E2F3: variants seen among roughly 807,000 people sequenced by gnomAD.
The protein encoded by E2F3 is E2F transcription factor 3, also known as transcription factor E2F3.
Under a neutral mutation model 44.4 loss-of-function variants are expected in E2F3, and 11 were observed. The observed-to-expected ratio is 0.25, with a 90% CI of 0.16 to 0.41. The LOEUF (loss-of-function observed/expected upper bound fraction) is 0.41, where lower values mean the gene tolerates loss of function less well. Among genes scored for constraint, E2F3 ranks in the 10% least tolerant of loss-of-function variants. E2F3 has a pLI of 1.00. For missense variants in E2F3, 487 were observed against 583.6 expected (o/e 0.83, Z 1.70); for synonymous variants, 249 against 253.0 (o/e 0.98, Z 0.15).
chr6:20,472,145 T>C (rs920429285), intron 1 of E2F3, among the ~76,000 whole-genome samples: 1 of 94,832 alleles, frequency 1.1e-5, no homozygotes, highest in Non-Finnish European at 2.7e-5. Context: ...GGGAATTTAT[T>C]CCTTGGTTCA....
At chr6:20,445,950 G>A (rs1760930245) in intron 1 of E2F3, among the ~76,000 whole-genome samples, 1 of 152,230 alleles carries the variant, frequency 6.6e-6, no homozygotes, top group Non-Finnish European at 1.5e-5. Context: ...TGGACAGGAT[G>A]CCATCCCATC....
chr6:20,479,204 A>G lies in E2F3; in HGVS notation c.394-642A>G, dbSNP rs141115167. Among the ~76,000 whole-genome samples the G allele has an allele frequency of 4.9e-3, 754 of 152,324 alleles. 3 individuals carry two copies. Among genetic ancestry groups the G allele is most frequent in the South Asian group, 0.026 (126 of 4,828 alleles). ...GATGAAGGGCCGTTTGTAGTCTGTGACTAGTTGTGTTACGATCCAATCACC... is the reference window on the plus strand; with the variant it reads ...GATGAAGGGCCGTTTGTAGTCTGTGGCTAGTTGTGTTACGATCCAATCACC... On this transcript the variant is annotated intron_variant, in intron 1 of 6. Coordinates refer to ENST00000346618, the MANE Select transcript of E2F3 (RefSeq NM_001949.5).
intron 1 of E2F3, among the ~76,000 whole-genome samples, chr6:20,422,059 A>G (rs1008271423): frequency 6.6e-6 from 1 of 152,240 alleles, no homozygotes; most frequent in African/African-American, 2.4e-5. Context: ...ACTAAGTGGT[A>G]TCATCTTCCA....
intron 1 of E2F3, among the ~76,000 whole-genome samples, chr6:20,458,256 A>C (rs1251067148): frequency 2.6e-5 from 4 of 151,876 alleles, no homozygotes; most frequent in Non-Finnish European, 5.9e-5. Flanking sequence ...GAGGAATTTG[A>C]CTCCTTTTAA....
intron 1 of E2F3, among the ~76,000 whole-genome samples, chr6:20,424,613 A>G (rs76400375): frequency 0.063 from 9,649 of 152,016 alleles, 464 homozygotes; most frequent in Non-Finnish European, 0.096. Flanking sequence ...CATTAAAATT[A>G]CAGTTTTTAT....
At chr6:20,455,322 G>T (rs1261778837) in intron 1 of E2F3, among the ~76,000 whole-genome samples, 1 of 152,172 alleles carries the variant, frequency 6.6e-6, no homozygotes, top group African/African-American at 2.4e-5. Flanking sequence ...GTGATAAAAT[G>T]CCAGTGGGTG....
intron 1 of E2F3, among the ~76,000 whole-genome samples, chr6:20,453,576 G>C (rs528348300): frequency 3.3e-5 from 5 of 152,112 alleles, no homozygotes; most frequent in Non-Finnish European, 5.9e-5. Flanking sequence ...CACCATGCCT[G>C]GCAAATTTTA....
At position 20,491,296 on chromosome 6, in the gene E2F3, T is replaced by G. The variant is rs1256463627; in HGVS notation, c.*866T>G. On this transcript the variant is annotated 3_prime_UTR_variant, in exon 7 of 7. Coordinates refer to ENST00000346618, the MANE Select transcript of E2F3 (RefSeq NM_001949.5). ...TGTGGCACCCATCACCATTTCAATT[T>G]AATTGTTTACTTTGAAGCGGTTTTT... 2 of 230,530 alleles carry G rather than the reference T, an allele frequency of 8.7e-6. No homozygotes were observed. The highest frequency in any genetic ancestry group is 1.7e-5 in the Non-Finnish European group (2 of 116,038). 14.3% of individuals were successfully genotyped at this position (230,530 alleles called of 1,614,324 possible). A position where few individuals can be genotyped will look rare whatever the true frequency, so the allele number is the denominator to read the frequency against.
chr6:20,441,633 G>C (rs560802386), intron 1 of E2F3, among the ~76,000 whole-genome samples: 11 of 152,002 alleles, frequency 7.2e-5, no homozygotes, highest in Non-Finnish European at 1.6e-4. Flanking sequence ...GGAGTGTAGT[G>C]GCATGACCTT....
At position 20,488,196 on chromosome 6, in the gene E2F3, G is replaced by A. The variant is rs756468217; in HGVS notation, c.1083G>A (p.Met361Ile). 6.2e-7 allele frequency: 1 copy of A among 1,611,550 alleles called. No individual in the cohort carries two copies. The highest frequency in any genetic ancestry group is 8.5e-7 in the Non-Finnish European group (1 of 1,179,430). ...CPEETETHSPMKTNNQDHNGN... is the reference protein window; with the variant it reads ...CPEETETHSPIKTNNQDHNGN... ...AAGAGACTGAAACACACAGTCCAAT[G>A]AAAACAAACAACCAAGACCACAATG... Residue 361 changes from methionine to isoleucine, a missense_variant, in exon 6 of 7, where the codon ATG (methionine) becomes ATA (isoleucine). By Grantham distance (10) the Met-to-Ile change is conservative (BLOSUM62 1). Around this residue, in one of 3 missense-constraint regions of E2F3, gnomAD observed 220 missense variants for 261.7 expected, o/e 0.84. Coordinates refer to ENST00000346618, the MANE Select transcript of E2F3 (RefSeq NM_001949.5).
At position 20,412,253 on chromosome 6, in the gene E2F3, A is replaced by G. The variant is rs553228732; in HGVS notation, c.393+9628A>G. 1.0e-3 allele frequency among the ~76,000 whole-genome samples: 155 copies of G among 152,286 alleles called. 2 individuals are homozygous for G. Among genetic ancestry groups the G allele is most frequent in the Middle Eastern group, 3.4e-3 (1 of 294 alleles). Reference sequence around the variant, plus strand: ...TGAGATGGGGAGGCCACGGTTGTCAATCTTGGAGTACATTAGGGCACACAT... The same window carrying G: ...TGAGATGGGGAGGCCACGGTTGTCAGTCTTGGAGTACATTAGGGCACACAT... On this transcript the variant is annotated intron_variant, in intron 1 of 6. Coordinates refer to ENST00000346618, the MANE Select transcript of E2F3 (RefSeq NM_001949.5).
chr6:20,472,965 AGT>A (rs1761940215), intron 1 of E2F3, among the ~76,000 whole-genome samples: 2 of 152,300 alleles, frequency 1.3e-5, no homozygotes, highest in South Asian at 2.1e-4. Context: ...TTAATAGAAA[AGT>A]GTGTGTTTTG....
chr6:20,442,461 A>C (rs1760809216), intron 1 of E2F3, among the ~76,000 whole-genome samples: 1 of 152,222 alleles, frequency 6.6e-6, no homozygotes, highest in Admixed American at 6.5e-5. Flanking sequence ...CAAAGTTGAG[A>C]ATGATGCAGG....
chr6:20,435,806 G>A (rs1046687211), intron 1 of E2F3, among the ~76,000 whole-genome samples: 1 of 151,974 alleles, frequency 6.6e-6, no homozygotes, highest in African/African-American at 2.4e-5. Context: ...TAATTAAAGG[G>A]ATTCTGGAGG....
In E2F3 at chr6:20,404,522, GGAGAA is replaced by G. The variant is rs1337192452; in HGVS notation, c.393+1898_393+1902del. Reference sequence around the variant, plus strand: ...TCAGCTCCAAATGGGTTTAATTTTTGGAGAATCAAGATTTTGCGGGAGTCTTTAAG... The same window carrying G: ...TCAGCTCCAAATGGGTTTAATTTTTGTCAAGATTTTGCGGGAGTCTTTAAG... On this transcript the variant is annotated intron_variant, in intron 1 of 6. Coordinates refer to ENST00000346618, the MANE Select transcript of E2F3 (RefSeq NM_001949.5). Among the ~76,000 whole-genome samples, 18 of 152,304 alleles carry G rather than the reference GGAGAA, an allele frequency of 1.2e-4. No homozygotes were observed. In the South Asian group the frequency reaches 3.3e-3, roughly 28 times the overall value.
At chr6:20,465,977 T>G (rs1354974181) in intron 1 of E2F3, among the ~76,000 whole-genome samples, 5 of 152,198 alleles carry the variant, frequency 3.3e-5, no homozygotes, top group African/African-American at 4.8e-5. Flanking sequence ...GTGGGATTGC[T>G]GGATCAAGTG....
intron 1 of E2F3, among the ~76,000 whole-genome samples, chr6:20,473,045 T>C (rs1202547992): frequency 6.6e-6 from 1 of 152,212 alleles, no homozygotes; most frequent in East Asian, 1.9e-4. Flanking sequence ...CAAGTATGTA[T>C]ATAGCTATCT....
intron 1 of E2F3, among the ~76,000 whole-genome samples, chr6:20,436,802 G>A (rs2127595042): frequency 6.6e-6 from 1 of 152,282 alleles, no homozygotes; most frequent in South Asian, 2.1e-4. Context: ...TCCATTTAGA[G>A]AGTGGGGAAC....
At chr6:20,430,588 C>T (rs976226361) in intron 1 of E2F3, among the ~76,000 whole-genome samples, 1 of 152,166 alleles carries the variant, frequency 6.6e-6, no homozygotes, top group African/African-American at 2.4e-5. Context: ...CCATATTTGA[C>T]ATAACACCTC....
Sources: allele counts gnomAD v4.1 joint callset (sites outside exome capture counted in the v4.1 genomes callset), GRCh38; gene constraint gnomAD v4.1.1; regional missense constraint gnomAD v4.1.1; transcripts MANE v1.5; gene names NCBI Gene and HGNC (gene_info 2026-07-23, HGNC 2026-07-21).